The following SNUPN variants were observed in gnomAD, a reference collection of about 807,000 sequenced individuals.
The protein encoded by SNUPN is snurportin 1, also known as snurportin-1.
SNUPN carries 31 observed loss-of-function variants against 39.2 expected under a neutral mutation model. That is an observed-to-expected ratio of 0.79 (90% CI 0.59 to 1.07). SNUPN has a LOEUF of 1.07. Among genes scored for constraint, SNUPN ranks in the 50% least tolerant of loss-of-function variants. The pLI is 0.00. For synonymous variants in SNUPN, 132 were observed against 159.0 expected, an observed-to-expected ratio of 0.83 and a Z score of 1.28; for missense variants, 382 against 434.2, an observed-to-expected ratio of 0.88 and a Z score of 1.07.
At chr15:75,621,130 T>G (rs551062668) in intron 1 of SNUPN, 74 bp from the exon 2 acceptor site, 3 of 1,410,662 alleles carry the variant, frequency 2.1e-6, no homozygotes, top group Non-Finnish European at 9.8e-7. Flanking sequence ...TATGCAGTTA[T>G]GATATGATGG....
intron 1 of SNUPN, among the ~76,000 whole-genome samples, chr15:75,624,220 C>G (rs1893156788): frequency 6.6e-6 from 1 of 150,946 alleles, no homozygotes; most frequent in Non-Finnish European, 1.5e-5. Context: ...AGCCACCGCG[C>G]CCGGCCGATA....
intron 1 of SNUPN, among the ~76,000 whole-genome samples, chr15:75,621,592 A>C (rs1322675271): frequency 6.6e-6 from 1 of 152,162 alleles, no homozygotes; most frequent in African/African-American, 2.4e-5. Context: ...CAGTTTCCTG[A>C]ATAGCCATCA....
chr15:75,621,962 G>A (rs1357215686), intron 1 of SNUPN, among the ~76,000 whole-genome samples: 1 of 152,208 alleles, frequency 6.6e-6, no homozygotes, highest in Non-Finnish European at 1.5e-5. Flanking sequence ...CTTGAACCTG[G>A]GAGGCGGAGG....
chr15:75,610,358 C>T (rs570541625), intron 3 of SNUPN, among the ~76,000 whole-genome samples: 1 of 150,892 alleles, frequency 6.6e-6, no homozygotes, highest in African/African-American at 2.4e-5. Flanking sequence ...CGAGATGGTG[C>T]CATTGCACTC....
chr15:75,600,463 C>T (rs1470101286), intron 8 of SNUPN, among the ~76,000 whole-genome samples: 6 of 151,994 alleles, frequency 3.9e-5, no homozygotes, highest in South Asian at 4.1e-4. Flanking sequence ...TTAGTAGAAA[C>T]GAGGTTTTGC....
intron 1 of SNUPN, among the ~76,000 whole-genome samples, chr15:75,622,050 C>A (rs904933702): frequency 3.4e-5 from 5 of 147,922 alleles, no homozygotes; most frequent in Non-Finnish European, 7.4e-5. Context: ...AACAAACAAA[C>A]AAACAAACAA....
chr15:75,611,672 T>A (rs1318465585), intron 3 of SNUPN, among the ~76,000 whole-genome samples: 1 of 151,730 alleles, frequency 6.6e-6, no homozygotes, highest in Non-Finnish European at 1.5e-5. Flanking sequence ...CTGGCCAACA[T>A]GGTGACAAGC....
At chr15:75,608,843 A>G (rs1284082914) in intron 5 of SNUPN, among the ~76,000 whole-genome samples, 1 of 152,120 alleles carries the variant, frequency 6.6e-6, no homozygotes. Flanking sequence ...TGCAGTTTCA[A>G]AGATAAGCTT....
At position 75,620,907 on chromosome 15, in the gene SNUPN, C is replaced by G; in HGVS notation, c.145G>C (p.Glu49Gln). The G allele has an allele frequency of 6.2e-7, 1 of 1,613,126 alleles. No individual in the cohort carries two copies. The highest frequency in any genetic ancestry group is 8.5e-7 in the Non-Finnish European group (1 of 1,179,746). ...EQSERRRRLL[E>Q]LQKSKRLDYV... is the part of the protein sequence containing the mutation. ...AAGCTTCCTTACGATTTCTGCAGTT[C>G]CAGTAACCTCCGGCGGCGCTCACTC... The change falls in exon 2 of 9, where the codon GAA becomes CAA. Residue 49 changes from glutamate to glutamine, a missense_variant. Coordinates refer to ENST00000308588, the MANE Select transcript of SNUPN (RefSeq NM_005701.4).
At position 75,598,589 on chromosome 15, in the gene SNUPN, A is replaced by T. The variant is rs757537426; in HGVS notation, c.852T>A (p.Asp284Glu). Reference sequence around the variant, plus strand: ...CAGCCGGCACAGCTACACCAAGGACATCTGACACCATGTAGGGGCGCAGCC... The same window carrying T: ...CAGCCGGCACAGCTACACCAAGGACTTCTGACACCATGTAGGGGCGCAGCC... ...VGWLRPYMVS[D>E]VLGVAVPAGP... The change falls in exon 9 of 9, where the codon GAT becomes GAA. Residue 284 changes from aspartate (D) to glutamate (E), a missense_variant. Transcript: ENST00000308588. The T allele has an allele frequency of 5.6e-6, 9 of 1,614,222 alleles. No homozygotes were observed. The Admixed American group carries it at 1.5e-4, about 27-fold the overall frequency.
In SNUPN at chr15:75,607,233, G is replaced by C; in HGVS notation, c.583C>G (p.Pro195Ala). The C allele has an allele frequency of 6.2e-7, 1 of 1,613,042 alleles. No individual in the cohort carries two copies. The highest frequency in any genetic ancestry group is 8.5e-7 in the Non-Finnish European group (1 of 1,179,110). The part of the protein sequence containing the change: ...VLDVMCWRGH[P>A]FYDCQTDFRF... Reference sequence around the variant, plus strand: ...ATCCCTACCTGGCAATCATAAAAAGGGTGTCCCCGCCAGCACATCACATCC... The same window carrying C: ...ATCCCTACCTGGCAATCATAAAAAGCGTGTCCCCGCCAGCACATCACATCC... The change falls in exon 6 of 9, where the codon CCT becomes GCT. Residue 195 changes from proline to alanine, a missense_variant. By Grantham distance (27) the Pro-to-Ala change is conservative. Transcript: ENST00000308588.
intron 6 of SNUPN, among the ~76,000 whole-genome samples, chr15:75,606,117 C>T (rs2075329290): frequency 6.6e-6 from 1 of 152,182 alleles, no homozygotes; most frequent in African/African-American, 2.4e-5. Context: ...TGCACTCCAA[C>T]CTGGGCAACA....
Position 75,617,486 on chromosome 15 carries a change from A to T in SNUPN, c.225T>A (p.Ser75Arg), listed in dbSNP as rs1205900028. The T allele has an allele frequency of 5.0e-6, 8 of 1,605,534 alleles. No individual in the cohort carries two copies. The highest frequency in any genetic ancestry group is 6.8e-6 in the Non-Finnish European group (8 of 1,177,612). Residue 75 changes from serine to arginine, a missense_variant, in exon 3 of 9, where the codon AGT becomes AGA. By Grantham distance (110) the Ser-to-Arg change is moderately radical. Coordinates refer to ENST00000308588, the MANE Select transcript of SNUPN (RefSeq NM_005701.4). ...LAEDDWTGME[S>R]EEENKKDDEE... ...CATCATCTTTCTTATTTTCTTCCTC[A>T]CTCTCCATCCCTGTCCAGTCATCTT...
At chr15:75,605,268 A>G in intron 6 of SNUPN, 41 bp from the exon 7 acceptor site, 6 of 1,416,846 alleles carry the variant, frequency 4.2e-6, no homozygotes, top group Non-Finnish European at 5.9e-6. Flanking sequence ...AATACTTTCC[A>G]TTTCAAACTC....
At chr15:75,623,270 G>A (rs998764377) in intron 1 of SNUPN, among the ~76,000 whole-genome samples, 10 of 151,728 alleles carry the variant, frequency 6.6e-5, no homozygotes, top group Admixed American at 2.0e-4. Context: ...TCAGCCTCCC[G>A]CGTAGCTGGG....
chr15:75,612,357 C>T (rs1322568659), intron 3 of SNUPN, among the ~76,000 whole-genome samples: 1 of 151,948 alleles, frequency 6.6e-6, no homozygotes, highest in Non-Finnish European at 1.5e-5. Flanking sequence ...CTTATCCTCC[C>T]CACTCTACTC....
Position 75,620,919 on chromosome 15 carries a change from G to C in SNUPN, c.133C>G (p.Arg45Gly), listed in dbSNP as rs78680460. Residue 45 changes from arginine (R) to glycine (G), a missense_variant, in exon 2 of 9, where the codon CGG (arginine) becomes GGG (glycine). Physicochemically the swap from Arg to Gly is moderately radical, Grantham distance 125 (BLOSUM62 -2). Transcript: ENST00000308588. ...GATTTCTGCAGTTCCAGTAACCTCCGGCGGCGCTCACTCTGCTCCAAGGAA... is the reference window on the plus strand; with the variant it reads ...GATTTCTGCAGTTCCAGTAACCTCCCGCGGCGCTCACTCTGCTCCAAGGAA... ...YSSLEQSERRRRLLELQKSKR... is the reference protein window; with the variant it reads ...YSSLEQSERRGRLLELQKSKR... 5 of 1,613,390 alleles carry C rather than the reference G, an allele frequency of 3.1e-6. No homozygotes were observed. Among genetic ancestry groups the C allele is most frequent in the Non-Finnish European group, 4.2e-6 (5 of 1,179,886 alleles).
chr15:75,620,893 C>A lies in SNUPN; in HGVS notation c.158+1G>T. 1.2e-6 allele frequency: 2 copies of A among 1,612,410 alleles called. No individual in the cohort carries two copies. Among genetic ancestry groups the A allele is most frequent in the Non-Finnish European group, 1.7e-6 (2 of 1,179,398 alleles). ...AAGACAAGGAGTTAAAGCTTCCTTA[C>A]GATTTCTGCAGTTCCAGTAACCTCC... On this transcript the variant is annotated splice_donor_variant, in intron 2 of 8. Transcript: ENST00000308588. LOFTEE classifies it high-confidence loss of function.
At chr15:75,617,287 T>C (rs1370714031) in intron 3 of SNUPN, 121 bp downstream of exon 3, 7 of 1,026,510 alleles carry the variant, frequency 6.8e-6, no homozygotes, top group East Asian at 2.4e-5. Context: ...TTCTTTGCAG[T>C]TCCTATTCCT....
Sources: gnomAD v4.1 joint callset for allele counts (sites outside exome capture counted in the v4.1 genomes callset) on GRCh38, gnomAD v4.1.1 for gene constraint, MANE v1.5 for transcripts, NCBI Gene and HGNC (gene_info 2026-07-23, HGNC 2026-07-21) for gene names.